HECW1: variants seen among roughly 807,000 people sequenced by gnomAD.
The protein encoded by HECW1 is HECT, C2 and WW domain containing E3 ubiquitin protein ligase 1, also known as E3 ubiquitin-protein ligase HECW1.
A neutral mutation model predicts 182.3 loss-of-function variants in HECW1; 61 were observed. The observed-to-expected ratio is 0.33, with a 90% CI of 0.27 to 0.41. The LOEUF (loss-of-function observed/expected upper bound fraction) is 0.41, where lower values mean the gene tolerates loss of function less well. Ranked by LOEUF, HECW1 falls within the 10% of genes least tolerant of loss-of-function variation. HECW1 has a pLI of 1.00. For synonymous variants in HECW1, 859 were observed against 832.6 expected (o/e 1.03, Z -0.55); for missense variants, 1,739 against 2,108.9 (o/e 0.82, Z 3.44).
intron 4 of HECW1, among the ~76,000 whole-genome samples, chr7:43,316,056 A>G (rs1809204552): frequency 6.6e-6 from 1 of 152,146 alleles, no homozygotes; most frequent in South Asian, 2.1e-4. Context: ...TGGAAATCAT[A>G]GCTATGATTT....
intron 26 of HECW1, among the ~76,000 whole-genome samples, chr7:43,544,743 A>G (rs2081491252): frequency 6.6e-6 from 1 of 152,218 alleles, no homozygotes; most frequent in South Asian, 2.1e-4. Context: ...TAAATGATAC[A>G]TTTACTAAAT....
intron 14 of HECW1, among the ~76,000 whole-genome samples, chr7:43,464,148 T>G (rs2077678579): frequency 6.6e-6 from 1 of 152,238 alleles, no homozygotes; most frequent in Non-Finnish European, 1.5e-5. Flanking sequence ...TATTGTTAAG[T>G]AAATGTTTTA....
At chr7:43,446,368 G>A (rs1437913322) in intron 11 of HECW1, among the ~76,000 whole-genome samples, 1 of 152,198 alleles carries the variant, frequency 6.6e-6, no homozygotes, top group African/African-American at 2.4e-5. Context: ...TTATCCAGGA[G>A]TGGAAACTGT....
intron 5 of HECW1, among the ~76,000 whole-genome samples, chr7:43,334,712 C>G (rs890051166): frequency 6.6e-6 from 1 of 152,188 alleles, no homozygotes; most frequent in African/African-American, 2.4e-5. Flanking sequence ...TCAGTCTCTT[C>G]CAGGTTATCC....
At chr7:43,170,170 G>T (rs995667033) in intron 2 of HECW1, among the ~76,000 whole-genome samples, 6 of 152,166 alleles carry the variant, frequency 3.9e-5, no homozygotes, top group African/African-American at 1.4e-4. Context: ...CCTTATTGTG[G>T]ACTGCACATG....
chr7:43,252,458 T>C lies in HECW1; in HGVS notation c.27+8526T>C, dbSNP rs1800139616. ...ACTCCAGAGCCCACTCCAGAAATGC[T>C]GAATCAATATCTGCACTTTAATAAG... On this transcript the variant is annotated intron_variant, in intron 3 of 29. Coordinates refer to ENST00000395891, the MANE Select transcript of HECW1 (RefSeq NM_015052.5). 2.0e-5 allele frequency among the ~76,000 whole-genome samples: 3 copies of C among 152,242 alleles called. No homozygotes were observed. The South Asian group carries it at 6.2e-4, about 32-fold the overall frequency.
chr7:43,371,913 T>A (rs1373028779), intron 6 of HECW1, among the ~76,000 whole-genome samples: 1 of 152,092 alleles, frequency 6.6e-6, no homozygotes, highest in African/African-American at 2.4e-5. Flanking sequence ...TCCTCCTCCC[T>A]GGTTCAAGTG....
intron 5 of HECW1, among the ~76,000 whole-genome samples, chr7:43,327,689 A>G (rs944177018): frequency 6.6e-6 from 1 of 152,156 alleles, no homozygotes; most frequent in Non-Finnish European, 1.5e-5. Context: ...TCCCCTGGGT[A>G]GAGGAAGGAG....
chr7:43,456,717 A>G (rs946130690), intron 13 of HECW1, among the ~76,000 whole-genome samples: 1 of 152,198 alleles, frequency 6.6e-6, no homozygotes, highest in African/African-American at 2.4e-5. Context: ...TTTTTAACCA[A>G]GGGCCAGTGT....
intron 3 of HECW1, among the ~76,000 whole-genome samples, chr7:43,265,187 G>C (rs1037243527): frequency 6.6e-6 from 1 of 152,112 alleles, no homozygotes; most frequent in Non-Finnish European, 1.5e-5. Context: ...CATTCTAGCC[G>C]CTCTTGGTCC....
chr7:43,361,318 T>C (rs1815878806), intron 6 of HECW1, among the ~76,000 whole-genome samples: 1 of 152,240 alleles, frequency 6.6e-6, no homozygotes, highest in Non-Finnish European at 1.5e-5. Flanking sequence ...TTGGATCACA[T>C]TTTTTAATTG....
At chr7:43,194,463 G>A (rs57209616) in intron 2 of HECW1, 15,615 of 152,076 alleles carry the variant, frequency 0.1, 894 homozygotes, top group East Asian at 0.15. Context: ...AGGTTTTCCA[G>A]TCTTTACCAG....
chr7:43,269,839 T>A (rs1262307228), intron 3 of HECW1, among the ~76,000 whole-genome samples: 1 of 152,102 alleles, frequency 6.6e-6, no homozygotes, highest in African/African-American at 2.4e-5. Context: ...CATTTTTTGG[T>A]TTTTGCAATT....
At chr7:43,313,865 C>A (rs1013189741) in intron 4 of HECW1, among the ~76,000 whole-genome samples, 2 of 152,170 alleles carry the variant, frequency 1.3e-5, no homozygotes, top group Admixed American at 1.3e-4. Context: ...CCCCTCCCAC[C>A]CATTCGGACC....
chr7:43,488,267 G>A (rs78000177), intron 17 of HECW1, among the ~76,000 whole-genome samples: 14 of 148,748 alleles, frequency 9.4e-5, no homozygotes, highest in Non-Finnish European at 1.6e-4. Flanking sequence ...CCAAGATCGC[G>A]CCACTGCACT....
At position 43,336,124 on chromosome 7, in the gene HECW1, T is replaced by TTCTTTCTC. The variant is rs1313057919; in HGVS notation, c.460+15385_460+15386insTTCTCTCT. On this transcript the variant is annotated intron_variant, in intron 5 of 29. Coordinates refer to ENST00000395891, the MANE Select transcript of HECW1 (RefSeq NM_015052.5). ...CTTTCTTCTTTCTTTCTTTCTTTCT[T>TTCTTTCTC]TCTCTCTCTCTCTCTCTCTTTCTCT... 1.3e-3 allele frequency among the ~76,000 whole-genome samples: 86 copies of TTCTTTCTC among 64,280 alleles called. 3 individuals carry two copies. The highest frequency in any genetic ancestry group is 1.9e-3 in the Non-Finnish European group (62 of 33,324). 42.2% of individuals were successfully genotyped at this position (64,280 alleles called of 152,430 possible).
chr7:43,214,779 G>A (rs979707298), intron 2 of HECW1, among the ~76,000 whole-genome samples: 3 of 152,236 alleles, frequency 2.0e-5, no homozygotes, highest in African/African-American at 4.8e-5. Context: ...GAAGGAGGAG[G>A]AACCCCCAGA....
rs764159115 is a variant in HECW1, at chr7:43,444,841, C to A, written c.1669C>A (p.Arg557=). The A allele has an allele frequency of 4.3e-6, 7 of 1,613,630 alleles. No homozygotes were observed. The South Asian group carries it at 6.6e-5, about 15-fold the overall frequency. The change falls in exon 11 of 30, where the codon CGG becomes AGG. Residue 557 remains arginine, a synonymous_variant. Transcript: ENST00000395891. The surrounding 1 kb of genome is among the most constrained non-coding windows in gnomAD (Gnocchi z 4.3). ...ASACGDPETP[R]THYIRIHTLL... ...AGCCTGCGGGGACCCCGAGACCCCGCGGACACACTACATCCGCATCCACAC... is the reference window on the plus strand; with the variant it reads ...AGCCTGCGGGGACCCCGAGACCCCGAGGACACACTACATCCGCATCCACAC...
At chr7:43,476,748 A>G (rs1397456698) in intron 16 of HECW1, among the ~76,000 whole-genome samples, 1 of 152,150 alleles carries the variant, frequency 6.6e-6, no homozygotes, top group Non-Finnish European at 1.5e-5. Context: ...GAAAACTGTC[A>G]AACTACAACT....
Sources: gnomAD v4.1 joint callset for allele counts (sites outside exome capture counted in the v4.1 genomes callset) on GRCh38, gnomAD v4.1.1 for gene constraint, Gnocchi (gnomAD v3.1) non-coding constraint, MANE v1.5 for transcripts, NCBI Gene and HGNC (gene_info 2026-07-23, HGNC 2026-07-21) for gene names.